Variants in GRIK4 observed in about 807,000 individuals in gnomAD.
The protein encoded by GRIK4 is glutamate receptor ionotropic, kainate 4.
GRIK4 carries 40 observed loss-of-function variants against 104.9 expected under a neutral mutation model. The observed-to-expected ratio is 0.38, with a 90% CI of 0.30 to 0.50. The LOEUF (loss-of-function observed/expected upper bound fraction) is 0.50. GRIK4 is among the 20% of genes least tolerant of loss of function. The pLI, the probability that GRIK4 is intolerant of heterozygous loss-of-function variation, is 0.93. For missense variants in GRIK4, 1,047 were observed against 1,308.1 expected (o/e 0.80, Z 3.08); for synonymous variants, 485 against 524.9 (o/e 0.92, Z 1.04).
At chr11:120,884,901 C>A (rs1374741825) in intron 11 of GRIK4, among the ~76,000 whole-genome samples, 12 of 152,262 alleles carry the variant, frequency 7.9e-5, no homozygotes, top group Admixed American at 3.9e-4. Flanking sequence ...CCTCCCCTGC[C>A]CTCCAGCATG....
intron 8 of GRIK4, among the ~76,000 whole-genome samples, chr11:120,841,773 C>T (rs1202917892): frequency 1.3e-5 from 2 of 152,206 alleles, no homozygotes; most frequent in East Asian, 1.9e-4. Flanking sequence ...CTTGACAATA[C>T]TTGCTATTTT....
intron 3 of GRIK4, among the ~76,000 whole-genome samples, chr11:120,717,864 T>C (rs1950862550): frequency 6.6e-6 from 1 of 152,112 alleles, no homozygotes; most frequent in Non-Finnish European, 1.5e-5. Flanking sequence ...GGCTTAGGCC[T>C]CCTGGAGGCT....
At chr11:120,645,701 T>C (rs1172825886) in intron 1 of GRIK4, among the ~76,000 whole-genome samples, 1 of 152,220 alleles carries the variant, frequency 6.6e-6, no homozygotes, top group Non-Finnish European at 1.5e-5. Context: ...CAGCCAGCTG[T>C]GGTCTGGAAG....
chr11:120,613,572 T>C (rs1949065817), intron 1 of GRIK4, among the ~76,000 whole-genome samples: 1 of 152,274 alleles, frequency 6.6e-6, no homozygotes, highest in Non-Finnish European at 1.5e-5. Context: ...TGTGCATGTG[T>C]ACACATTGTT....
intron 1 of GRIK4, among the ~76,000 whole-genome samples, chr11:120,517,171 C>T (rs562229949): frequency 6.7e-6 from 1 of 149,364 alleles, no homozygotes; most frequent in East Asian, 1.9e-4. Flanking sequence ...AGGGCCTTGT[C>T]CGCTTTGTTC....
intron 3 of GRIK4, among the ~76,000 whole-genome samples, chr11:120,740,141 T>C (rs1161036019): frequency 6.7e-6 from 1 of 148,302 alleles, no homozygotes; most frequent in African/African-American, 2.5e-5. Flanking sequence ...AGGTGTAGAT[T>C]GACTCTCCTT....
intron 8 of GRIK4, among the ~76,000 whole-genome samples, chr11:120,838,224 C>G (rs1274473497): frequency 1.3e-5 from 2 of 152,104 alleles, no homozygotes; most frequent in Non-Finnish European, 2.9e-5. Context: ...CCTGACTCAG[C>G]CTTATGCTCA....
intron 13 of GRIK4, among the ~76,000 whole-genome samples, chr11:120,925,973 C>CAAA (rs34815296): frequency 2.5e-4 from 30 of 120,162 alleles, no homozygotes; most frequent in Middle Eastern, 4.3e-3. Context: ...GACTCCATCT[C>CAAA]AAAAAAAAAA....
At position 120,624,684 on chromosome 11, in the gene GRIK4, G is replaced by A. The variant is rs576515603; in HGVS notation, c.-158-29001G>A. On this transcript the variant is annotated intron_variant, in intron 1 of 20. Coordinates refer to ENST00000527524, the MANE Select transcript of GRIK4 (RefSeq NM_014619.5). ...GTCTGGGCATTCTCTAGAGCACCTT[G>A]GGAATTGCTCTCAACCTGTTCTTCC... 3.3e-5 allele frequency among the ~76,000 whole-genome samples: 5 copies of A among 152,282 alleles called. No homozygotes were observed. The East Asian group carries it at 7.7e-4, about 24-fold the overall frequency.
At chr11:120,955,154 C>T (rs1164684016) in intron 15 of GRIK4, among the ~76,000 whole-genome samples, 1 of 152,212 alleles carries the variant, frequency 6.6e-6, no homozygotes, top group Non-Finnish European at 1.5e-5. Flanking sequence ...GTCCCATGAG[C>T]TCAGAATCTC....
chr11:120,935,698 C>T (rs189305591), intron 13 of GRIK4, among the ~76,000 whole-genome samples: 328 of 152,234 alleles, frequency 2.2e-3, no homozygotes, highest in African/African-American at 7.1e-3. Flanking sequence ...TAAGCTTCAT[C>T]GGAGTCAACT....
chr11:120,884,032 C>A (rs1056099379), intron 11 of GRIK4, among the ~76,000 whole-genome samples: 1 of 152,280 alleles, frequency 6.6e-6, no homozygotes, highest in Non-Finnish European at 1.5e-5. Flanking sequence ...AAAGGTGGAT[C>A]CAGGGAGGTG....
intron 17 of GRIK4, among the ~76,000 whole-genome samples, chr11:120,961,279 G>C (rs1002534202): frequency 6.6e-6 from 1 of 152,166 alleles, no homozygotes; most frequent in African/African-American, 2.4e-5. Context: ...GTTAATATCA[G>C]CCGGTGCCAG....
chr11:120,980,657 T>C (rs1472231868), intron 19 of GRIK4, among the ~76,000 whole-genome samples: 4 of 151,934 alleles, frequency 2.6e-5, no homozygotes, highest in African/African-American at 9.7e-5. Context: ...TAGAATTGAG[T>C]TTTTAAATGA....
intron 14 of GRIK4, among the ~76,000 whole-genome samples, chr11:120,949,021 C>G (rs1214870401): frequency 2.0e-5 from 3 of 152,224 alleles, no homozygotes; most frequent in Non-Finnish European, 4.4e-5. Context: ...TATTCACTAC[C>G]TGTCCTGACT....
chr11:120,871,660 G>T (rs142968509), intron 9 of GRIK4: 1 of 456,382 alleles, frequency 2.2e-6, no homozygotes, highest in Non-Finnish European at 4.4e-6. Flanking sequence ...GACGGAGGCC[G>T]AGGGCAGTGG....
At chr11:120,738,530 C>A (rs534655262) in intron 3 of GRIK4, among the ~76,000 whole-genome samples, 1 of 152,338 alleles carries the variant, frequency 6.6e-6, no homozygotes, top group Admixed American at 6.5e-5. Flanking sequence ...AAGTCCATCA[C>A]CGTTCATCCC....
intron 3 of GRIK4, among the ~76,000 whole-genome samples, chr11:120,767,875 C>T (rs751112425): frequency 1.4e-4 from 21 of 152,124 alleles, no homozygotes; most frequent in Admixed American, 3.3e-4. Context: ...GGATTCATTT[C>T]TGGGTTCTCC....
intron 13 of GRIK4, among the ~76,000 whole-genome samples, chr11:120,907,883 G>T (rs7122076): frequency 0.038 from 5,841 of 152,182 alleles, 362 homozygotes; most frequent in African/African-American, 0.13. Context: ...GTGCCACTGG[G>T]GTTGGTCCTG....
Sources: gnomAD v4.1 joint callset for allele counts (sites outside exome capture counted in the v4.1 genomes callset) on GRCh38, gnomAD v4.1.1 for gene constraint, MANE v1.5 for transcripts, NCBI Gene and HGNC (gene_info 2026-07-23, HGNC 2026-07-21) for gene names.